Variants in ELAVL2 observed in about 807,000 individuals in gnomAD.
ELAVL2 encodes the protein ELAV like RNA binding protein 2, also known as ELAV-like protein 2.
In ELAVL2, 4 loss-of-function variants were observed where a neutral mutation model predicts 34.6. The ratio of observed to expected loss-of-function variants is 0.12; its 90% CI spans 0.06 to 0.26. The LOEUF (loss-of-function observed/expected upper bound fraction) is 0.26, where lower values mean the gene tolerates loss of function less well. ELAVL2 is among the 10% of genes least tolerant of loss of function. The pLI is 1.00. For missense variants in ELAVL2, 432 were observed against 442.8 expected (o/e 0.98, Z 0.22); for synonymous variants, 193 against 154.8 (o/e 1.25, Z -1.83).
At chr9:23,751,992 A>G (rs1317799585) in intron 2 of ELAVL2, among the ~76,000 whole-genome samples, 3 of 152,192 alleles carry the variant, frequency 2.0e-5, no homozygotes, top group African/African-American at 7.2e-5. Context: ...CCTAGAAAGC[A>G]AAGGATGGAG....
At position 23,773,317 on chromosome 9, in the gene ELAVL2, A is replaced by T. The variant is rs554295134; in HGVS notation, c.-15-11068T>A. Among the ~76,000 whole-genome samples, 133 of 152,274 alleles carry T rather than the reference A, an allele frequency of 8.7e-4. No individual in the cohort carries two copies. The Middle Eastern group carries it at 0.01, about 12-fold the overall frequency. ...ATATCCACATCAGGCACATACACCC[A>T]ATTTCGAACAACCCCCTAACAGAGA... On this transcript the variant is annotated intron_variant, in intron 1 of 6. Coordinates refer to ENST00000397312, the MANE Select transcript of ELAVL2 (RefSeq NM_004432.5).
At chr9:23,783,389 A>T in intron 1 of ELAVL2, 1 of 960,462 alleles carries the variant, frequency 1.0e-6, no homozygotes, top group Non-Finnish European at 1.2e-6. Context: ...ACCGAAAGTT[A>T]AACTGAAGAA....
chr9:23,702,970 A>AAAAAAAC (rs2037916362), intron 4 of ELAVL2, among the ~76,000 whole-genome samples: 4 of 145,996 alleles, frequency 2.7e-5, no homozygotes, highest in Non-Finnish European at 6.0e-5. Flanking sequence ...AAAAAAAAAA[A>AAAAAAAC]AAAAAAAAAA....
Position 23,794,831 on chromosome 9 carries a change from G to A in ELAVL2, c.-16+30975C>T, listed in dbSNP as rs115313307. Among the ~76,000 whole-genome samples the A allele has an allele frequency of 1.7e-3, 265 of 152,236 alleles. 1 individual carries two copies. The highest frequency in any genetic ancestry group is 6.2e-3 in the African/African-American group (256 of 41,546). ...ATACAGATAAAATATGGCAGAGTATGCATTAATCCTTCCATCTTCTCTTGT... is the reference window on the plus strand; with the variant it reads ...ATACAGATAAAATATGGCAGAGTATACATTAATCCTTCCATCTTCTCTTGT... On this transcript the variant is annotated intron_variant, in intron 1 of 6. Coordinates refer to ENST00000397312, the MANE Select transcript of ELAVL2 (RefSeq NM_004432.5).
chr9:23,733,172 T>TAAAAAAAAAAAAAAAAAAAAATA (rs397953305), intron 2 of ELAVL2, among the ~76,000 whole-genome samples: 2 of 104,596 alleles, frequency 1.9e-5, no homozygotes, highest in Non-Finnish European at 4.0e-5. Context: ...CTAGAAAGCT[T>TAAAAAAAAAAAAAAAAAAAAATA]AAAAAAAAAA....
chr9:23,761,953 C>G, intron 2 of ELAVL2, 53 bp downstream of exon 2: 1 of 1,525,974 alleles, frequency 6.6e-7, no homozygotes, highest in Non-Finnish European at 8.8e-7. Context: ...TTATTTTCTC[C>G]TATCTTGAGA....
At chr9:23,750,760 C>A (rs2051761474) in intron 2 of ELAVL2, among the ~76,000 whole-genome samples, 1 of 152,098 alleles carries the variant, frequency 6.6e-6, no homozygotes, top group African/African-American at 2.4e-5. Flanking sequence ...AACTACAATT[C>A]ATTTAAATGG....
intron 2 of ELAVL2, among the ~76,000 whole-genome samples, chr9:23,736,677 C>T (rs544332068): frequency 1.3e-5 from 2 of 152,288 alleles, no homozygotes; most frequent in South Asian, 2.1e-4. Context: ...CCCTTGTCTG[C>T]GTTAGCATTG....
chr9:23,811,585 G>C (rs868314547), intron 1 of ELAVL2, among the ~76,000 whole-genome samples: 1 of 152,212 alleles, frequency 6.6e-6, no homozygotes, highest in Non-Finnish European at 1.5e-5. Flanking sequence ...CAAAAGGGAG[G>C]AAGTCAAAAA....
At chr9:23,765,513 T>A (rs9298850) in intron 1 of ELAVL2, among the ~76,000 whole-genome samples, 1 of 151,832 alleles carries the variant, frequency 6.6e-6, no homozygotes, top group Non-Finnish European at 1.5e-5. Context: ...TCCTAAGTGA[T>A]TGGTTTGCAT....
chr9:23,794,110 G>A (rs2137336931), intron 1 of ELAVL2, among the ~76,000 whole-genome samples: 1 of 152,336 alleles, frequency 6.6e-6, no homozygotes, highest in Middle Eastern at 3.4e-3. Flanking sequence ...ACTGCAGTCA[G>A]CAGCACCCAG....
intron 3 of ELAVL2, among the ~76,000 whole-genome samples, chr9:23,716,597 A>C (rs1221384664): frequency 6.6e-6 from 1 of 152,236 alleles, no homozygotes. Context: ...AATAGACAGA[A>C]GCTTCCTCAT....
chr9:23,703,433 T>C (rs1286327262), intron 4 of ELAVL2, among the ~76,000 whole-genome samples: 1 of 152,196 alleles, frequency 6.6e-6, no homozygotes, highest in African/African-American at 2.4e-5. Context: ...ACTAACACAA[T>C]TAAGGAGGCT....
At chr9:23,752,051 G>A (rs1380533180) in intron 2 of ELAVL2, among the ~76,000 whole-genome samples, 2 of 152,060 alleles carry the variant, frequency 1.3e-5, no homozygotes, top group Admixed American at 6.6e-5. Flanking sequence ...AAGAAATCTA[G>A]GACAACAGAT....
At chr9:23,704,654 C>A (rs1296590429) in intron 4 of ELAVL2, among the ~76,000 whole-genome samples, 1 of 152,120 alleles carries the variant, frequency 6.6e-6, no homozygotes, top group Non-Finnish European at 1.5e-5. Context: ...AAGATTATAG[C>A]ATCTATAAAT....
At chr9:23,821,905 C>T (rs1028437979) in intron 1 of ELAVL2, 2 of 151,288 alleles carry the variant, frequency 1.3e-5, no homozygotes, top group Admixed American at 1.3e-4. Flanking sequence ...GGGCCGGCGG[C>T]GAGTTCGCGG....
intron 1 of ELAVL2, 119 bp from the exon 2 acceptor site, chr9:23,762,368 T>C: frequency 2.3e-6 from 3 of 1,322,578 alleles, no homozygotes; most frequent in Middle Eastern, 2.0e-4. Flanking sequence ...ATTACAACAA[T>C]GCTTCAACAA....
At chr9:23,758,746 G>T (rs767634340) in intron 2 of ELAVL2, among the ~76,000 whole-genome samples, 19 of 152,058 alleles carry the variant, frequency 1.2e-4, no homozygotes, top group Non-Finnish European at 2.8e-4. Context: ...ATCAAATAAG[G>T]CCGGGGAACT....
chr9:23,742,623 G>A (rs536946675), intron 2 of ELAVL2, among the ~76,000 whole-genome samples: 2 of 152,224 alleles, frequency 1.3e-5, no homozygotes, highest in African/African-American at 4.8e-5. Context: ...CTTCCACCGG[G>A]GGGAAAATGT....
Sources: gnomAD v4.1 joint callset for allele counts (sites outside exome capture counted in the v4.1 genomes callset) on GRCh38, gnomAD v4.1.1 for gene constraint, MANE v1.5 for transcripts, NCBI Gene and HGNC (gene_info 2026-07-23, HGNC 2026-07-21) for gene names.